NF2: variants seen among roughly 807,000 people sequenced by gnomAD.
NF2 encodes the protein merlin.
In NF2, 8 loss-of-function variants were observed where a neutral mutation model predicts 83.7. That is an observed-to-expected ratio of 0.10 (90% CI 0.06 to 0.17). The LOEUF (loss-of-function observed/expected upper bound fraction) is 0.17, where lower values mean the gene tolerates loss of function less well. Among genes scored for constraint, NF2 ranks in the 10% least tolerant of loss-of-function variants. The pLI, the probability that NF2 is intolerant of heterozygous loss-of-function variation, is 1.00. For synonymous variants in NF2, 266 were observed against 269.6 expected (o/e 0.99, Z 0.13); for missense variants, 533 against 744.4 (o/e 0.72, Z 3.31).
intron 1 of NF2, among the ~76,000 whole-genome samples, chr22:29,616,699 G>A (rs2065089150): frequency 6.6e-6 from 1 of 150,400 alleles, no homozygotes; most frequent in African/African-American, 2.5e-5. Flanking sequence ...CTGAGATCAC[G>A]CCGTTGCACT....
intron 1 of NF2, among the ~76,000 whole-genome samples, chr22:29,631,921 T>C (rs954881071): frequency 2.6e-5 from 4 of 152,208 alleles, no homozygotes; most frequent in Non-Finnish European, 4.4e-5. Context: ...CCATCACTTA[T>C]CTATATTCCT....
At chr22:29,674,780 C>T (rs2066909819) in intron 12 of NF2, 56 bp from the exon 13 acceptor site, 1 of 1,506,518 alleles carries the variant, frequency 6.6e-7, no homozygotes, top group Non-Finnish European at 9.0e-7. Flanking sequence ...GGGGTGGTGT[C>T]TTTTCCTGCT....
intron 15 of NF2, among the ~76,000 whole-genome samples, chr22:29,684,571 A>G (rs1003405045): frequency 1.3e-5 from 2 of 152,246 alleles, no homozygotes; most frequent in African/African-American, 4.8e-5. Flanking sequence ...TTTACTGCAG[A>G]CAAAAGAAGT....
intron 8 of NF2, 87 bp from the exon 9 acceptor site, chr22:29,664,903 A>C (rs939428200): frequency 3.3e-6 from 3 of 910,910 alleles, no homozygotes; most frequent in Non-Finnish European, 5.4e-6. Flanking sequence ...GTCTGTGGCC[A>C]GTGTGGTTGC....
chr22:29,609,263 G>A, intron 1 of NF2: 1 of 715,420 alleles, frequency 1.4e-6, no homozygotes, highest in Admixed American at 1.8e-5. Flanking sequence ...AGGGTTTGGA[G>A]GGCATAAATT....
intron 11 of NF2, among the ~76,000 whole-genome samples, chr22:29,672,309 CTT>C (rs779561094): frequency 2.4e-5 from 3 of 123,606 alleles, no homozygotes; most frequent in East Asian, 2.4e-4. Context: ...CCACATGTCT[CTT>C]TTTTTTTTTT....
chr22:29,604,994 G>A (rs2064747873), intron 1 of NF2, among the ~76,000 whole-genome samples: 1 of 151,888 alleles, frequency 6.6e-6, no homozygotes, highest in Non-Finnish European at 1.5e-5. Flanking sequence ...GTTTTGTTTC[G>A]TTTTGAGACA....
chr22:29,670,304 A>C (rs745968102), intron 10 of NF2, among the ~76,000 whole-genome samples: 1 of 149,230 alleles, frequency 6.7e-6, no homozygotes, highest in Non-Finnish European at 1.5e-5. Flanking sequence ...GCCTGGCCTG[A>C]CTGGGCTTTT....
intron 4 of NF2, among the ~76,000 whole-genome samples, chr22:29,646,602 G>A (rs1299418816): frequency 1.3e-5 from 2 of 152,178 alleles, no homozygotes; most frequent in Admixed American, 6.5e-5. Context: ...ATGCACAAAT[G>A]TATTCATTAC....
At chr22:29,671,260 G>C (rs1374943903) in intron 10 of NF2, among the ~76,000 whole-genome samples, 1 of 152,230 alleles carries the variant, frequency 6.6e-6, no homozygotes, top group Non-Finnish European at 1.5e-5. Flanking sequence ...GCCAGGCGCG[G>C]CGGCTCATGC....
intron 6 of NF2, 40 bp downstream of exon 6, chr22:29,655,716 C>CTTTT: frequency 1.7e-6 from 2 of 1,182,466 alleles, no homozygotes; most frequent in Non-Finnish European, 2.4e-6. Context: ...CCTTTATGGG[C>CTTTT]TTTTTTTTTT....
At chr22:29,635,219 C>G (rs2065616638) in intron 1 of NF2, among the ~76,000 whole-genome samples, 1 of 152,128 alleles carries the variant, frequency 6.6e-6, no homozygotes, top group African/African-American at 2.4e-5. Flanking sequence ...AATGAAAAGC[C>G]TACTTGAAAA....
At chr22:29,658,105 G>A in intron 6 of NF2, 84 bp from the exon 7 acceptor site, 4 of 1,259,272 alleles carry the variant, frequency 3.2e-6, no homozygotes, top group Non-Finnish European at 4.6e-6. Context: ...GGAATGGCAG[G>A]GTCAGAATGC....
intron 13 of NF2, among the ~76,000 whole-genome samples, chr22:29,677,697 C>G (rs1198572378): frequency 6.6e-6 from 1 of 152,216 alleles, no homozygotes; most frequent in Non-Finnish European, 1.5e-5. Context: ...TCCCGTCCGG[C>G]AGACCTTCTC....
At chr22:29,666,467 T>A (rs904421223) in intron 9 of NF2, among the ~76,000 whole-genome samples, 1 of 152,108 alleles carries the variant, frequency 6.6e-6, no homozygotes, top group Non-Finnish European at 1.5e-5. Flanking sequence ...CAGGCTGTTA[T>A]GAAAACTTTT....
chr22:29,655,067 A>G (rs1383680193), intron 5 of NF2, among the ~76,000 whole-genome samples: 1 of 152,058 alleles, frequency 6.6e-6, no homozygotes, highest in African/African-American at 2.4e-5. Context: ...CGAGGGGCGG[A>G]TAGAGGAGAT....
At chr22:29,638,978 A>T (rs2065723356) in intron 2 of NF2, 112 bp from the exon 3 acceptor site, 9 of 1,478,252 alleles carry the variant, frequency 6.1e-6, no homozygotes, top group Admixed American at 1.8e-5. Flanking sequence ...AGGAAATGTG[A>T]TAAATTTAGT....
chr22:29,605,597 C>A (rs1322966845), intron 1 of NF2, among the ~76,000 whole-genome samples: 2 of 152,074 alleles, frequency 1.3e-5, no homozygotes, highest in Non-Finnish European at 2.9e-5. Flanking sequence ...GATGCAGCCA[C>A]CACGCCTGGC....
At chr22:29,642,140 A>T (rs1490081890) in intron 3 of NF2, 62 bp from the exon 4 acceptor site, 1 of 1,344,326 alleles carries the variant, frequency 7.4e-7, no homozygotes, top group Middle Eastern at 1.8e-4. Flanking sequence ...ATCTGTTGTG[A>T]TCAGCCTACA....
Sources: allele counts gnomAD v4.1 joint callset (sites outside exome capture counted in the v4.1 genomes callset), GRCh38; gene constraint gnomAD v4.1.1; transcripts MANE v1.5; gene names NCBI Gene and HGNC (gene_info 2026-07-23, HGNC 2026-07-21).